REV3L: variants seen among roughly 807,000 people sequenced by gnomAD.
The protein encoded by REV3L is REV3 like, DNA directed polymerase zeta catalytic subunit.
In REV3L, 69 loss-of-function variants were observed where a neutral mutation model predicts 299.4. That is an observed-to-expected ratio of 0.23 (90% confidence interval 0.19 to 0.28). REV3L has a LOEUF of 0.28. Ranked by LOEUF, REV3L falls within the 10% of genes least tolerant of loss-of-function variation. REV3L has a pLI of 1.00. For synonymous variants in REV3L, 1,238 were observed against 1,271.4 expected, an observed-to-expected ratio of 0.97 and a Z score of 0.56; for missense variants, 3,128 against 3,693.8, an observed-to-expected ratio of 0.85 and a Z score of 3.97.
chr6:111,341,239 G>T (rs546008454), intron 21 of REV3L, among the ~76,000 whole-genome samples: 1 of 152,014 alleles, frequency 6.6e-6, no homozygotes, highest in South Asian at 2.1e-4. Context: ...ATAGAGATGG[G>T]GTTTCACCAC....
At chr6:111,421,483 T>C (rs1220243228) in intron 1 of REV3L, among the ~76,000 whole-genome samples, 1 of 152,214 alleles carries the variant, frequency 6.6e-6, no homozygotes, top group Non-Finnish European at 1.5e-5. Context: ...TGAACGGGCA[T>C]GACCGTGTTA....
At chr6:111,330,115 C>A (rs577201928) in intron 24 of REV3L, among the ~76,000 whole-genome samples, 39 of 152,264 alleles carry the variant, frequency 2.6e-4, no homozygotes, top group African/African-American at 8.9e-4. Context: ...TCACTCATAA[C>A]CAACTCAGTT....
At chr6:111,318,086 CTTTTTTCTTTTTT>C (rs1453503370) in intron 26 of REV3L, among the ~76,000 whole-genome samples, 1 of 148,488 alleles carries the variant, frequency 6.7e-6, no homozygotes, top group Non-Finnish European at 1.5e-5. Flanking sequence ...TTTCCTTTTT[CTTTTTTCTTTTTT>C]TTTTTTGAGA....
chr6:111,351,819 T>A, intron 18 of REV3L, 28 bp from the exon 19 acceptor site: 1 of 1,421,880 alleles, frequency 7.0e-7, no homozygotes, highest in Non-Finnish European at 9.9e-7. Flanking sequence ...AAAAGTTATA[T>A]AAGTACCATA....
In REV3L at chr6:111,375,231, G is replaced by A. The variant is rs751346737; in HGVS notation, c.3124C>T (p.Pro1042Ser). 9.3e-6 allele frequency: 15 copies of A among 1,612,410 alleles called. No homozygotes were observed. The highest frequency in any genetic ancestry group is 1.3e-5 in the Non-Finnish European group (15 of 1,179,688). The change falls in exon 13 of 32, where the codon CCA (proline) becomes TCA (serine). Residue 1042 changes from proline to serine, a missense_variant. Around this residue, in one of 9 missense-constraint regions of REV3L, gnomAD observed 2,409 missense variants for 2,611.8 expected, o/e 0.92. Coordinates refer to ENST00000368802, the MANE Select transcript of REV3L (RefSeq NM_001372078.1). Reference protein sequence around the residue: ...ATKYPIYPLTPKKSHRRKSKH... With the variant: ...ATKYPIYPLTSKKSHRRKSKH... ...GACTTTCTTCTGTGACTTTTCTTTG[G>A]TGTTAGTGGATAAATGGGATATTTG...
intron 3 of REV3L, among the ~76,000 whole-genome samples, chr6:111,409,120 A>G (rs1230292612): frequency 1.3e-5 from 2 of 152,232 alleles, no homozygotes; most frequent in African/African-American, 4.8e-5. Flanking sequence ...GTTTTTACAG[A>G]AGATAGCTGG....
chr6:111,462,218 T>C (rs1239926876), intron 1 of REV3L, among the ~76,000 whole-genome samples: 1 of 152,094 alleles, frequency 6.6e-6, no homozygotes, highest in Non-Finnish European at 1.5e-5. Context: ...AGTGATACAA[T>C]GGAGAGATGG....
chr6:111,406,276 A>T (rs1783614222), intron 3 of REV3L, among the ~76,000 whole-genome samples: 1 of 152,206 alleles, frequency 6.6e-6, no homozygotes, highest in Non-Finnish European at 1.5e-5. Flanking sequence ...TGCACATGTA[A>T]AGGGTCACGA....
At chr6:111,441,938 A>C (rs563814969) in intron 1 of REV3L, among the ~76,000 whole-genome samples, 1 of 152,324 alleles carries the variant, frequency 6.6e-6, no homozygotes, top group East Asian at 1.9e-4. Context: ...TTCAGTCTTT[A>C]AGTGGGCCTG....
At chr6:111,421,780 C>T (rs1785389692) in intron 1 of REV3L, among the ~76,000 whole-genome samples, 2 of 152,078 alleles carry the variant, frequency 1.3e-5, no homozygotes, top group African/African-American at 4.8e-5. Context: ...AGCTATAAAA[C>T]AGAAAAACTT....
At chr6:111,471,966 C>G in intron 1 of REV3L, 1 of 1,072,458 alleles carries the variant, frequency 9.3e-7, no homozygotes, top group Non-Finnish European at 1.2e-6. Flanking sequence ...CAAGGCTCAC[C>G]CCCACCCCCC....
chr6:111,467,481 T>C (rs1475827291), intron 1 of REV3L, among the ~76,000 whole-genome samples: 1 of 152,218 alleles, frequency 6.6e-6, no homozygotes, highest in African/African-American at 2.4e-5. Context: ...TAGGTTAAGG[T>C]TGGCTGAACA....
intron 25 of REV3L, among the ~76,000 whole-genome samples, chr6:111,325,553 A>C (rs1774689699): frequency 6.6e-6 from 1 of 152,214 alleles, no homozygotes; most frequent in Non-Finnish European, 1.5e-5. Flanking sequence ...GATAGTCCAG[A>C]TCTAGTACTT....
At chr6:111,363,822 A>C in intron 16 of REV3L, 31 bp downstream of exon 16, 1 of 1,604,762 alleles carries the variant, frequency 6.2e-7, no homozygotes, top group Non-Finnish European at 8.5e-7. Flanking sequence ...AACTGAACAC[A>C]ATGTATGTGT....
At chr6:111,318,459 G>A (rs775326097) in intron 26 of REV3L, among the ~76,000 whole-genome samples, 12 of 152,258 alleles carry the variant, frequency 7.9e-5, no homozygotes, top group Admixed American at 3.3e-4. Flanking sequence ...AAGCATAAAG[G>A]AGTGGAATCA....
rs554398010 is a variant in REV3L at position 111,331,573 on chromosome 6, C to T, written c.8034+103G>A. The T allele has an allele frequency of 5.6e-4, 362 of 645,718 alleles. 1 individual carries two copies. Among genetic ancestry groups the T allele is most frequent in the Admixed American group, 7.5e-4 (25 of 33,402 alleles). 40.0% of individuals were successfully genotyped at this position (645,718 alleles called of 1,614,324 possible). On this transcript the variant is annotated intron_variant, in intron 24 of 31. Transcript: ENST00000368802. ...TTGAGATAAAATATTCAAGCAAACTCGGTGTTTTTGTTTTCTATTATGTGC... is the reference window on the plus strand; with the variant it reads ...TTGAGATAAAATATTCAAGCAAACTTGGTGTTTTTGTTTTCTATTATGTGC...
At chr6:111,456,896 C>G (rs1790224535) in intron 1 of REV3L, among the ~76,000 whole-genome samples, 1 of 152,244 alleles carries the variant, frequency 6.6e-6, no homozygotes, top group African/African-American at 2.4e-5. Context: ...GAATAACTCT[C>G]ATTCATCACT....
chr6:111,331,820 C>G, intron 23 of REV3L, 36 bp from the exon 24 acceptor site: 1 of 1,295,830 alleles, frequency 7.7e-7, no homozygotes, highest in Non-Finnish European at 1.1e-6. Context: ...AATACTTCCT[C>G]AAATCATAGA....
intron 1 of REV3L, among the ~76,000 whole-genome samples, chr6:111,464,343 C>T (rs1791157681): frequency 6.6e-6 from 1 of 152,066 alleles, no homozygotes; most frequent in Admixed American, 6.6e-5. Context: ...AGTGAACTTG[C>T]CATACCCTAC....
Sources: allele counts gnomAD v4.1 joint callset (sites outside exome capture counted in the v4.1 genomes callset), GRCh38; gene constraint gnomAD v4.1.1; regional missense constraint gnomAD v4.1.1; transcripts MANE v1.5; gene names NCBI Gene and HGNC (gene_info 2026-07-23, HGNC 2026-07-21).